Variants in GRIN2D observed in about 807,000 individuals in gnomAD.
The protein encoded by GRIN2D is glutamate ionotropic receptor NMDA type subunit 2D.
In GRIN2D, 37 loss-of-function variants were observed where a neutral mutation model predicts 103.2. That is an observed-to-expected ratio of 0.36 (90% CI 0.28 to 0.47). The LOEUF is 0.47. Among genes scored for constraint, GRIN2D ranks in the 20% least tolerant of loss-of-function variants. The probability of loss-of-function intolerance (pLI) is 1.00; values close to 1 mark genes in which losing one functional copy is unlikely to be tolerated. For synonymous variants in GRIN2D, 845 were observed against 885.6 expected, an observed-to-expected ratio of 0.95 and a Z score of 0.81; for missense variants, 1,557 against 1,910.6, an observed-to-expected ratio of 0.81 and a Z score of 3.45.
intron 4 of GRIN2D, among the ~76,000 whole-genome samples, chr19:48,412,453 G>GA (rs1474368603): frequency 1.3e-5 from 2 of 149,478 alleles, no homozygotes; most frequent in Non-Finnish European, 3.0e-5. Context: ...AAGAAAGAAA[G>GA]AAAGAAAGAA....
chr19:48,415,348 G>A (rs1204468383), intron 7 of GRIN2D, among the ~76,000 whole-genome samples: 1 of 151,858 alleles, frequency 6.6e-6, no homozygotes, highest in East Asian at 1.9e-4. Flanking sequence ...TCCAGCCTGG[G>A]CACAGAGTGA....
chr19:48,427,077 T>C (rs1285602203), intron 11 of GRIN2D, among the ~76,000 whole-genome samples: 1 of 151,840 alleles, frequency 6.6e-6, no homozygotes, highest in Non-Finnish European at 1.5e-5. Context: ...CCCAGCACTT[T>C]GGGAGGCTGA....
intron 8 of GRIN2D, 117 bp from the exon 9 acceptor site, chr19:48,419,117 G>T (rs1264059074): frequency 2.9e-5 from 23 of 802,310 alleles, no homozygotes; most frequent in Non-Finnish European, 4.3e-5. Flanking sequence ...GGCGTCAAGT[G>T]ATCCTCCTGC....
chr19:48,398,699 CTCTGCGACCTGCTGTCG>C lies in GRIN2D; in HGVS notation c.308_324del (p.Leu103ArgfsTer69). The C allele has an allele frequency of 6.8e-7, 1 of 1,464,856 alleles. No individual in the cohort carries two copies. The highest frequency in any genetic ancestry group is 9.0e-7 in the Non-Finnish European group (1 of 1,113,702). The allele number at this position is 1,464,856 out of a possible 1,614,324, so 90.7% of individuals were successfully genotyped here. A position where few individuals can be genotyped will look rare whatever the true frequency, so the allele number is the denominator to read the frequency against. Reference sequence around the variant, plus strand: ...GGACCCGCGCAGCCTCGTGCTGCAGCTCTGCGACCTGCTGTCGGGGTTGCGCGTGCACGGCGTGGTCT... The same window carrying C: ...GGACCCGCGCAGCCTCGTGCTGCAGCGGGTTGCGCGTGCACGGCGTGGTCT... On this transcript the variant is annotated frameshift_variant, in exon 3 of 14. Coordinates refer to ENST00000263269, the MANE Select transcript of GRIN2D (RefSeq NM_000836.4). LOFTEE classifies it high-confidence loss of function.
chr19:48,443,959 GC>G lies in GRIN2D; in HGVS notation c.*27del. On this transcript the variant is annotated 3_prime_UTR_variant, in exon 14 of 14. Transcript: ENST00000263269. This position sits in a 1 kb window ranked among gnomAD's most constrained non-coding sequence, Gnocchi z 8.9. ...ATGACGCGGCCCCGGGGGCCCCACC[GC>G]CCCCTTGGTCAGCGCAGGCCACGGC... The G allele has an allele frequency of 2.9e-6, 4 of 1,367,638 alleles. No individual in the cohort carries two copies. The highest frequency in any genetic ancestry group is 3.1e-5 in the South Asian group (2 of 63,754). 84.7% of individuals were successfully genotyped at this position (1,367,638 alleles called of 1,614,324 possible). A position where few individuals can be genotyped will look rare whatever the true frequency, so the allele number is the denominator to read the frequency against.
At position 48,398,852 on chromosome 19, in the gene GRIN2D, C is replaced by A. The variant is rs957638664; in HGVS notation, c.460C>A (p.Pro154Thr). The A allele has an allele frequency of 1.5e-6, 2 of 1,339,914 alleles. No homozygotes were observed. Among genetic ancestry groups the A allele is most frequent in the South Asian group, 1.8e-5 (1 of 55,022 alleles). The allele number at this position is 1,339,914 out of a possible 1,614,324, so 83.0% of individuals were successfully genotyped here. Residue 154 changes from proline to threonine, a missense_variant, in exon 3 of 14, where the codon CCC (proline) becomes ACC (threonine). Transcript: ENST00000263269. ...VHGGAALVLT[P>T]KEKGSTFLQL... Reference sequence around the variant, plus strand: ...CGGCGGCGCCGCGCTCGTGCTCACGCCCAAGGTGCGCGCGACCGGGGCGGG... The same window carrying A: ...CGGCGGCGCCGCGCTCGTGCTCACGACCAAGGTGCGCGCGACCGGGGCGGG...
At position 48,435,298 on chromosome 19, in the gene GRIN2D, T is replaced by TG. The variant is rs1194708999; in HGVS notation, c.2253-6471_2253-6470insG. Among the ~76,000 whole-genome samples the TG allele has an allele frequency of 6.1e-5, 9 of 147,646 alleles. No individual in the cohort carries two copies. The Admixed American group carries it at 6.1e-4, about 10-fold the overall frequency. On this transcript the variant is annotated intron_variant, in intron 11 of 13. Coordinates refer to ENST00000263269, the MANE Select transcript of GRIN2D (RefSeq NM_000836.4). The stretch of plus-strand genomic sequence containing the variant: ...TTTAAGTGCCCATTCAGCCACTTGT[T>TG]TTTTTTTTTTTTTTTTTGAGACGGA...
intron 11 of GRIN2D, among the ~76,000 whole-genome samples, chr19:48,432,813 C>CA (rs1971174586): frequency 6.8e-6 from 1 of 147,558 alleles, no homozygotes; most frequent in Non-Finnish European, 1.5e-5. Context: ...TTTTTTGAGA[C>CA]AGAGTCTTGC....
chr19:48,419,661 C>T lies in GRIN2D; in HGVS notation c.1938C>T (p.Pro646=), dbSNP rs764396229. ...LWALVFNNSV[P]VENPRGTTSK... is the part of the protein sequence containing the mutation. ...CCCTGGTGTTCAATAATTCGGTGCC[C>T]GTGGAGAACCCCCGGGGAACCACCA... Residue 646 remains proline (P), a synonymous_variant, in exon 10 of 14, where the codon CCC becomes CCT. Coordinates refer to ENST00000263269, the MANE Select transcript of GRIN2D (RefSeq NM_000836.4). 1 of 1,613,494 alleles carries T rather than the reference C, an allele frequency of 6.2e-7. No homozygotes were observed. Among genetic ancestry groups the T allele is most frequent in the African/African-American group, 1.3e-5 (1 of 74,812 alleles).
chr19:48,415,990 C>G lies in GRIN2D; in HGVS notation c.1582-12C>G. ...GGGTTCCCCCGCCCACTCCTCATCG[C>G]CCCCACCCCAGGTGTTCTACCAGCG... On this transcript the variant is annotated splice_polypyrimidine_tract_variant and intron_variant, in intron 7 of 13. Coordinates refer to ENST00000263269, the MANE Select transcript of GRIN2D (RefSeq NM_000836.4). The G allele has an allele frequency of 6.2e-7, 1 of 1,611,062 alleles. No individual in the cohort carries two copies. Among genetic ancestry groups the G allele is most frequent in the East Asian group, 2.2e-5 (1 of 44,850 alleles).
chr19:48,418,026 G>T (rs545925198), intron 8 of GRIN2D, among the ~76,000 whole-genome samples: 1 of 150,500 alleles, frequency 6.6e-6, no homozygotes, highest in Admixed American at 6.6e-5. Context: ...TCAGGCACCT[G>T]CGAGTTCTTT....
chr19:48,397,507 T>G (rs1028836150), intron 2 of GRIN2D, among the ~76,000 whole-genome samples: 5 of 151,814 alleles, frequency 3.3e-5, no homozygotes, highest in African/African-American at 9.7e-5. Flanking sequence ...CTCAATTGTT[T>G]CCCCATCCTT....
chr19:48,410,111 A>T (rs1285873847), intron 4 of GRIN2D, among the ~76,000 whole-genome samples: 2 of 150,848 alleles, frequency 1.3e-5, no homozygotes, highest in Non-Finnish European at 2.9e-5. Flanking sequence ...AGTAGTGGGG[A>T]GTTCACCGGA....
At chr19:48,419,444 G>A in intron 9 of GRIN2D, 85 bp downstream of exon 9, 1 of 1,512,238 alleles carries the variant, frequency 6.6e-7, no homozygotes, top group Non-Finnish European at 8.9e-7. Context: ...CCCCTGGAGG[G>A]GGGGCGGTCA....
At position 48,398,457 on chromosome 19, in the gene GRIN2D, T is replaced by A. The variant is rs1600967281; in HGVS notation, c.65T>A (p.Leu22Gln). ...GPAKMLLLLALACASPFPEEA... is the reference protein window; with the variant it reads ...GPAKMLLLLAQACASPFPEEA... ...GCTAAGATGCTGCTGCTGCTGGCGCTGGCCTGCGCCAGCCCGTTCCCGGAG... is the reference window on the plus strand; with the variant it reads ...GCTAAGATGCTGCTGCTGCTGGCGCAGGCCTGCGCCAGCCCGTTCCCGGAG... The change falls in exon 3 of 14, where the codon CTG becomes CAG. Residue 22 changes from leucine to glutamine, a missense_variant. Physicochemically the swap from Leu to Gln is moderately radical, Grantham distance 113 (BLOSUM62 -2). Transcript: ENST00000263269. The A allele has an allele frequency of 9.3e-7, 1 of 1,074,558 alleles. No individual in the cohort carries two copies. The highest frequency in any genetic ancestry group is 5.4e-5 in the Admixed American group (1 of 18,640). 66.6% of individuals were successfully genotyped at this position (1,074,558 alleles called of 1,614,324 possible).
intron 11 of GRIN2D, among the ~76,000 whole-genome samples, chr19:48,441,188 C>A (rs1375757157): frequency 6.6e-6 from 1 of 151,732 alleles, no homozygotes; most frequent in Non-Finnish European, 1.5e-5. Flanking sequence ...CATGGTGGAA[C>A]CCCGTCTCTA....
In GRIN2D at chr19:48,442,323, C is replaced by T. The variant is rs1253570959; in HGVS notation, c.2614C>T (p.Arg872Cys). The T allele has an allele frequency of 1.2e-6, 2 of 1,613,880 alleles. No individual in the cohort carries two copies. Among genetic ancestry groups the T allele is most frequent in the Non-Finnish European group, 1.7e-6 (2 of 1,180,002 alleles). Reference sequence around the variant, plus strand: ...CGCCTGGGAGCACCTGGTGTACTGGCGCCTGCGGCACTGCCTGGGGCCCAC... The same window carrying T: ...CGCCTGGGAGCACCTGGTGTACTGGTGCCTGCGGCACTGCCTGGGGCCCAC... ...VFAWEHLVYW[R>C]LRHCLGPTHR... The change falls in exon 13 of 14, where the codon CGC becomes TGC. Residue 872 changes from arginine (R) to cysteine (C), a missense_variant. Physicochemically the swap from Arg to Cys is radical, Grantham distance 180 (BLOSUM62 -3). Transcript: ENST00000263269. This position sits in a 1 kb window ranked among gnomAD's most constrained non-coding sequence, Gnocchi z 7.2.
At chr19:48,434,574 T>C (rs1971205371) in intron 11 of GRIN2D, among the ~76,000 whole-genome samples, 1 of 151,898 alleles carries the variant, frequency 6.6e-6, no homozygotes, top group Non-Finnish European at 1.5e-5. Context: ...TTTTCTTTTC[T>C]TTCGAACTTC....
intron 3 of GRIN2D, among the ~76,000 whole-genome samples, chr19:48,401,827 G>T (rs1243854657): frequency 1.3e-5 from 2 of 152,224 alleles, no homozygotes; most frequent in Non-Finnish European, 1.5e-5. Context: ...TAGGCTGGGC[G>T]CAGTGGCTCA....
Sources: allele counts gnomAD v4.1 joint callset (sites outside exome capture counted in the v4.1 genomes callset), GRCh38; gene constraint gnomAD v4.1.1; non-coding constraint Gnocchi (gnomAD v3.1); transcripts MANE v1.5; gene names NCBI Gene and HGNC (gene_info 2026-07-23, HGNC 2026-07-21).